CPED1: variants seen among roughly 807,000 people sequenced by gnomAD.
CPED1 encodes the protein cadherin-like and PC-esterase domain-containing protein 1.
A neutral mutation model predicts 128.2 loss-of-function variants in CPED1; 114 were observed. The ratio of observed to expected loss-of-function variants is 0.89; its 90% CI spans 0.76 to 1.04. CPED1 has a LOEUF of 1.04. CPED1 is among the 50% of genes least tolerant of loss of function. The pLI is 0.00. For synonymous variants in CPED1, 462 were observed against 426.7 expected, an observed-to-expected ratio of 1.08 and a Z score of -1.02; for missense variants, 1,211 against 1,207.1, an observed-to-expected ratio of 1.00 and a Z score of -0.05.
chr7:121,029,671 G>A (rs1302288799), intron 3 of CPED1, among the ~76,000 whole-genome samples: 2 of 152,130 alleles, frequency 1.3e-5, no homozygotes, highest in Non-Finnish European at 2.9e-5. Flanking sequence ...TTAATCAGCA[G>A]CAATTTATTT....
intron 16 of CPED1, among the ~76,000 whole-genome samples, chr7:121,211,279 C>T (rs1797634472): frequency 6.6e-6 from 1 of 152,042 alleles, no homozygotes; most frequent in African/African-American, 2.4e-5. Flanking sequence ...CTGTCATATA[C>T]ACATTTCCAA....
intron 6 of CPED1, 80 bp downstream of exon 6, chr7:121,097,911 T>G (rs1172639096): frequency 1.4e-6 from 2 of 1,419,290 alleles, no homozygotes; most frequent in Admixed American, 2.1e-5. Context: ...AGAACAGATA[T>G]GGGGGGTTCA....
At chr7:121,085,563 A>G (rs1425166643) in intron 5 of CPED1, among the ~76,000 whole-genome samples, 1 of 152,110 alleles carries the variant, frequency 6.6e-6, no homozygotes, top group African/African-American at 2.4e-5. Context: ...GCATACAAAA[A>G]AGTGCCTTTC....
chr7:121,060,444 G>T (rs1793629667), intron 4 of CPED1, among the ~76,000 whole-genome samples: 1 of 152,346 alleles, frequency 6.6e-6, no homozygotes, highest in South Asian at 2.1e-4. Flanking sequence ...CTAGCTCAGG[G>T]ATTGTAAATA....
At chr7:121,284,486 G>T (rs1484501893) in intron 22 of CPED1, among the ~76,000 whole-genome samples, 1 of 152,086 alleles carries the variant, frequency 6.6e-6, no homozygotes, top group African/African-American at 2.4e-5. Context: ...AATCTCATCT[G>T]AGACAAGGCA....
intron 12 of CPED1, among the ~76,000 whole-genome samples, chr7:121,130,798 G>C (rs1265982905): frequency 6.6e-6 from 1 of 151,928 alleles, no homozygotes; most frequent in Non-Finnish European, 1.5e-5. Flanking sequence ...GAACTTTGGG[G>C]TTTTTCTTTT....
chr7:121,078,029 A>G (rs1031815574), intron 5 of CPED1, among the ~76,000 whole-genome samples: 4 of 150,714 alleles, frequency 2.7e-5, no homozygotes, highest in Non-Finnish European at 4.4e-5. Flanking sequence ...ACTTCATACT[A>G]CTATATGATT....
At chr7:121,223,992 T>C (rs1382456982) in intron 16 of CPED1, among the ~76,000 whole-genome samples, 1 of 152,184 alleles carries the variant, frequency 6.6e-6, no homozygotes, top group Non-Finnish European at 1.5e-5. Flanking sequence ...AGTTATTTCT[T>C]GCCTTCTGCT....
At chr7:121,005,307 A>G (rs920941891) in intron 2 of CPED1, among the ~76,000 whole-genome samples, 1 of 151,836 alleles carries the variant, frequency 6.6e-6, no homozygotes, top group African/African-American at 2.4e-5. Flanking sequence ...TACGTGCCAC[A>G]TTTTCTTTAT....
chr7:121,199,239 C>A (rs1471331003), intron 16 of CPED1, among the ~76,000 whole-genome samples: 3 of 151,946 alleles, frequency 2.0e-5, no homozygotes, highest in African/African-American at 7.3e-5. Flanking sequence ...TAGGGACAGT[C>A]CACACATGGG....
intron 3 of CPED1, among the ~76,000 whole-genome samples, chr7:121,030,240 C>T (rs2116856557): frequency 6.6e-6 from 1 of 152,192 alleles, no homozygotes; most frequent in East Asian, 1.9e-4. Context: ...AAAAGACTTG[C>T]CATATTAACA....
chr7:121,271,354 T>C lies in CPED1; in HGVS notation c.2792T>C (p.Val931Ala), dbSNP rs1792225008. ...ACTGCAAAAAAACATGGCTATGAAG[T>C]AGTTGACACATTCACTATAACAATG... is the stretch of plus-strand genomic sequence containing the variant. ...LDTAKKHGYE[V>A]VDTFTITMGR... is the part of the protein sequence containing the mutation. Residue 931 changes from valine to alanine, a missense_variant, in exon 22 of 23, where the codon GTA becomes GCA. Coordinates refer to ENST00000310396, the MANE Select transcript of CPED1 (RefSeq NM_024913.5). 1 of 1,612,194 alleles carries C rather than the reference T, an allele frequency of 6.2e-7. No homozygotes were observed. Among genetic ancestry groups the C allele is most frequent in the Non-Finnish European group, 8.5e-7 (1 of 1,178,692 alleles).
intron 22 of CPED1, among the ~76,000 whole-genome samples, chr7:121,287,604 T>A (rs1403214233): frequency 6.6e-6 from 1 of 152,160 alleles, no homozygotes; most frequent in Non-Finnish European, 1.5e-5. Context: ...ATTGAAAGTC[T>A]CCTCTCATCA....
chr7:121,280,426 C>A (rs745586491), intron 22 of CPED1, among the ~76,000 whole-genome samples: 2 of 152,166 alleles, frequency 1.3e-5, no homozygotes, highest in Non-Finnish European at 2.9e-5. Flanking sequence ...CCAGAGCCAA[C>A]GCTCAGCGTT....
intron 16 of CPED1, among the ~76,000 whole-genome samples, chr7:121,209,686 G>A (rs1333407916): frequency 2.0e-5 from 3 of 151,888 alleles, no homozygotes; most frequent in African/African-American, 7.2e-5. Context: ...CCAGAACATT[G>A]GTCTGAGCAA....
chr7:120,994,373 A>G (rs191209300), intron 2 of CPED1, among the ~76,000 whole-genome samples: 2 of 152,248 alleles, frequency 1.3e-5, no homozygotes, highest in Admixed American at 6.5e-5. Context: ...TATTTATTGG[A>G]CAATTTGTAT....
intron 18 of CPED1, among the ~76,000 whole-genome samples, chr7:121,254,945 C>T (rs1378974502): frequency 6.6e-6 from 1 of 150,852 alleles, no homozygotes; most frequent in Non-Finnish European, 1.5e-5. Context: ...CAAGACCTGA[C>T]CCAGATGGAT....
intron 16 of CPED1, among the ~76,000 whole-genome samples, chr7:121,214,321 C>T (rs576888249): frequency 6.6e-6 from 1 of 151,908 alleles, no homozygotes; most frequent in Non-Finnish European, 1.5e-5. Context: ...GAGACAGAGT[C>T]TCACTCTGTC....
intron 5 of CPED1, among the ~76,000 whole-genome samples, chr7:121,074,897 A>C (rs1206800496): frequency 1.3e-5 from 2 of 152,298 alleles, no homozygotes; most frequent in Admixed American, 1.3e-4. Flanking sequence ...CAATGTTTTC[A>C]CACCTGCTTG....
Sources: allele counts gnomAD v4.1 joint callset (sites outside exome capture counted in the v4.1 genomes callset), GRCh38; gene constraint gnomAD v4.1.1; transcripts MANE v1.5; gene names NCBI Gene and HGNC (gene_info 2026-07-23, HGNC 2026-07-21).